The following KCNT2 variants were observed in gnomAD, a reference collection of about 807,000 sequenced individuals.
KCNT2 encodes potassium channel subfamily T member 2.
Under a neutral mutation model 153.8 loss-of-function variants are expected in KCNT2, and 67 were observed. The ratio of observed to expected loss-of-function variants is 0.44; its 90% CI spans 0.36 to 0.53. The LOEUF is 0.53. Among genes scored for constraint, KCNT2 ranks in the 20% least tolerant of loss-of-function variants. The pLI, the probability that KCNT2 is intolerant of heterozygous loss-of-function variation, is 0.00. For synonymous variants in KCNT2, 500 were observed against 458.8 expected, an observed-to-expected ratio of 1.09 and a Z score of -1.15; for missense variants, 975 against 1,354.8, an observed-to-expected ratio of 0.72 and a Z score of 4.40.
At chr1:196,244,930 T>C (rs1054660387) in intron 26 of KCNT2, among the ~76,000 whole-genome samples, 1 of 152,076 alleles carries the variant, frequency 6.6e-6, no homozygotes, top group Non-Finnish European at 1.5e-5. Context: ...GTCTGACCCA[T>C]TGCAGTCCCA....
At chr1:196,419,884 T>C (rs1450458550) in intron 12 of KCNT2, among the ~76,000 whole-genome samples, 1 of 152,018 alleles carries the variant, frequency 6.6e-6, no homozygotes, top group Non-Finnish European at 1.5e-5. Context: ...AGATCTTTTC[T>C]AGTCCTTATT....
chr1:196,394,321 T>C (rs935987290), intron 13 of KCNT2, among the ~76,000 whole-genome samples: 3 of 151,474 alleles, frequency 2.0e-5, no homozygotes, highest in African/African-American at 7.3e-5. Flanking sequence ...AGGGACTCTT[T>C]TGAAATAGCC....
At chr1:196,232,538 T>C (rs1654044629) in intron 27 of KCNT2, among the ~76,000 whole-genome samples, 1 of 151,614 alleles carries the variant, frequency 6.6e-6, no homozygotes, top group Middle Eastern at 3.2e-3. Context: ...CCACTGAAAT[T>C]TAATTATCTC....
intron 1 of KCNT2, among the ~76,000 whole-genome samples, chr1:196,575,865 C>A (rs1035202484): frequency 6.6e-6 from 1 of 151,112 alleles, no homozygotes; most frequent in Non-Finnish European, 1.5e-5. Flanking sequence ...GTAATCCCAG[C>A]TACTTGGGAG....
rs562756726 is a variant in KCNT2, at chr1:196,290,991, G to A, written c.2596-5233C>T. ...AGACTCAGCATTCAGGGCATTCTAA[G>A]GTCTAGCTCCCAAACTGCTTTCCAG... On this transcript the variant is annotated intron_variant, in intron 22 of 27. Coordinates refer to ENST00000294725, the MANE Select transcript of KCNT2 (RefSeq NM_198503.5). Among the ~76,000 whole-genome samples the A allele has an allele frequency of 1.6e-4, 25 of 152,126 alleles. No individual in the cohort carries two copies. In the South Asian group the frequency reaches 4.6e-3, roughly 28 times the overall value.
At chr1:196,593,196 T>G (rs1663598646) in intron 1 of KCNT2, among the ~76,000 whole-genome samples, 1 of 150,620 alleles carries the variant, frequency 6.6e-6, no homozygotes, top group South Asian at 2.1e-4. Flanking sequence ...ATTCCTGAGT[T>G]ACTTCACTTA....
chr1:196,378,181 T>A (rs541489005), intron 13 of KCNT2, among the ~76,000 whole-genome samples: 9 of 151,706 alleles, frequency 5.9e-5, no homozygotes, highest in Non-Finnish European at 1.3e-4. Context: ...GCTTTGGAGG[T>A]TTCTCAATTC....
At chr1:196,562,583 T>C (rs1317740823) in intron 1 of KCNT2, among the ~76,000 whole-genome samples, 1 of 152,012 alleles carries the variant, frequency 6.6e-6, no homozygotes, top group Non-Finnish European at 1.5e-5. Context: ...AGTCATGTGC[T>C]AGGTTTGAGA....
intron 12 of KCNT2, among the ~76,000 whole-genome samples, chr1:196,406,346 T>C (rs866634561): frequency 2.6e-5 from 4 of 151,634 alleles, no homozygotes; most frequent in South Asian, 2.1e-4. Flanking sequence ...ATTTGATATA[T>C]ACTTATTTTA....
intron 23 of KCNT2, among the ~76,000 whole-genome samples, chr1:196,285,295 T>C (rs1034400238): frequency 2.0e-5 from 3 of 152,298 alleles, no homozygotes; most frequent in East Asian, 3.9e-4. Flanking sequence ...ATGTATACTA[T>C]AAGGAATGCT....
chr1:196,284,248 A>AAAATATAT lies in KCNT2; in HGVS notation c.2697+1408_2697+1409insATATATTT. Among the ~76,000 whole-genome samples, 9 of 10,050 alleles carry AAAATATAT rather than the reference A, an allele frequency of 9.0e-4. 1 individual carries two copies. Among genetic ancestry groups the AAAATATAT allele is most frequent in the Non-Finnish European group, 2.1e-3 (4 of 1,880 alleles). The allele number at this position is 10,050 out of a possible 152,430, so 6.6% of individuals were successfully genotyped here. On this transcript the variant is annotated intron_variant, in intron 23 of 27. Coordinates refer to ENST00000294725, the MANE Select transcript of KCNT2 (RefSeq NM_198503.5). The stretch of plus-strand genomic sequence containing the variant: ...TCTGTCTTAAAAAAAAAAAAAAAAA[A>AAAATATAT]ATATATATATATATATATATATATA...
intron 23 of KCNT2, among the ~76,000 whole-genome samples, chr1:196,284,408 G>A (rs1659458326): frequency 6.7e-6 from 1 of 149,080 alleles, no homozygotes. Context: ...CTATAGAACA[G>A]TTTTTAGAAC....
At chr1:196,445,458 A>C (rs1675608016) in intron 8 of KCNT2, among the ~76,000 whole-genome samples, 1 of 151,458 alleles carries the variant, frequency 6.6e-6, no homozygotes, top group Admixed American at 6.6e-5. Flanking sequence ...GTAACCATTA[A>C]AAATAAAAGA....
At chr1:196,378,709 T>C (rs949083486) in intron 13 of KCNT2, among the ~76,000 whole-genome samples, 1 of 148,302 alleles carries the variant, frequency 6.7e-6, no homozygotes, top group Non-Finnish European at 1.5e-5. Flanking sequence ...AAGTAATATA[T>C]ATGAAACAGC....
intron 22 of KCNT2, among the ~76,000 whole-genome samples, chr1:196,286,102 G>A (rs1278374838): frequency 6.6e-6 from 1 of 151,968 alleles, no homozygotes; most frequent in Non-Finnish European, 1.5e-5. Context: ...CCATAACACT[G>A]AACACTGTAA....
At chr1:196,479,603 G>A (rs1326997640) in intron 4 of KCNT2, among the ~76,000 whole-genome samples, 1 of 152,026 alleles carries the variant, frequency 6.6e-6, no homozygotes, top group Non-Finnish European at 1.5e-5. Flanking sequence ...TAGAAATGGG[G>A]TTTTGCAATG....
intron 1 of KCNT2, among the ~76,000 whole-genome samples, chr1:196,599,676 G>A (rs1459585423): frequency 6.6e-5 from 10 of 152,162 alleles, no homozygotes; most frequent in African/African-American, 1.2e-4. Flanking sequence ...GCTGCCAGGC[G>A]ATTGTCCCCT....
At chr1:196,484,334 T>C (rs190268061) in intron 3 of KCNT2, among the ~76,000 whole-genome samples, 10 of 152,076 alleles carry the variant, frequency 6.6e-5, no homozygotes, top group Admixed American at 2.0e-4. Context: ...TTTTTGAGAA[T>C]TGTATGTTCA....
chr1:196,566,987 AC>A (rs1453047461), intron 1 of KCNT2, among the ~76,000 whole-genome samples: 1 of 152,160 alleles, frequency 6.6e-6, no homozygotes, highest in African/African-American at 2.4e-5. Context: ...AGATCTATAA[AC>A]TCAAATATGT....
Sources: gnomAD v4.1 joint callset for allele counts (sites outside exome capture counted in the v4.1 genomes callset) on GRCh38, gnomAD v4.1.1 for gene constraint, MANE v1.5 for transcripts, NCBI Gene and HGNC (gene_info 2026-07-23, HGNC 2026-07-21) for gene names.